SLC25A21: variants seen among roughly 807,000 people sequenced by gnomAD.
SLC25A21 encodes mitochondrial 2-oxodicarboxylate carrier.
In SLC25A21, 47 loss-of-function variants were observed where a neutral mutation model predicts 43.8. The ratio of observed to expected loss-of-function variants is 1.07; its 90% confidence interval spans 0.85 to 1.37. SLC25A21 has a LOEUF of 1.37. SLC25A21 is among the 40% of genes most tolerant of loss of function. The probability of loss-of-function intolerance (pLI) is 0.00; values close to 1 mark genes in which losing one functional copy is unlikely to be tolerated. For missense variants in SLC25A21, 352 were observed against 350.2 expected, an observed-to-expected ratio of 1.00 and a Z score of -0.04; for synonymous variants, 131 against 121.3, an observed-to-expected ratio of 1.08 and a Z score of -0.52.
intron 1 of SLC25A21, among the ~76,000 whole-genome samples, chr14:37,002,514 G>A (rs899977126): frequency 4.6e-5 from 7 of 152,088 alleles, no homozygotes; most frequent in Non-Finnish European, 1.0e-4. Flanking sequence ...AGGAGCACAC[G>A]TTCTTCCCTC....
chr14:36,923,685 G>GC lies in SLC25A21; in HGVS notation c.71-48682dup, dbSNP rs770689059. 2.2e-4 allele frequency among the ~76,000 whole-genome samples: 33 copies of GC among 152,138 alleles called. 1 individual carries two copies. Among genetic ancestry groups the GC allele is most frequent in the Non-Finnish European group, 2.9e-5 (2 of 68,034 alleles). On this transcript the variant is annotated intron_variant, in intron 1 of 9. Coordinates refer to ENST00000331299, the MANE Select transcript of SLC25A21 (RefSeq NM_030631.4). The stretch of plus-strand genomic sequence containing the variant: ...GATGTGAAAAATGGAAATACAGTCA[G>GC]CCTTCCATATCCATGGGTTCGCATC...
chr14:36,689,263 G>A (rs765315689), intron 7 of SLC25A21, among the ~76,000 whole-genome samples: 1 of 152,150 alleles, frequency 6.6e-6, no homozygotes, highest in African/African-American at 2.4e-5. Flanking sequence ...CACGAGAACA[G>A]CATGGGAAAA....
chr14:37,072,504 C>T (rs543623489), intron 1 of SLC25A21, among the ~76,000 whole-genome samples: 3 of 152,278 alleles, frequency 2.0e-5, no homozygotes, highest in East Asian at 3.9e-4. Flanking sequence ...CAATGTCTCA[C>T]GCCTGTAATC....
chr14:37,101,090 G>A (rs1404511355), intron 1 of SLC25A21, among the ~76,000 whole-genome samples: 4 of 152,074 alleles, frequency 2.6e-5, no homozygotes, highest in Admixed American at 6.6e-5. Context: ...CTTTTATTGT[G>A]TATTGAAAAA....
chr14:37,027,301 CTG>C (rs1397231894), intron 1 of SLC25A21, among the ~76,000 whole-genome samples: 3 of 152,138 alleles, frequency 2.0e-5, no homozygotes, highest in Non-Finnish European at 4.4e-5. Flanking sequence ...AATTTCCTAT[CTG>C]TGTCTCTGAT....
intron 1 of SLC25A21, among the ~76,000 whole-genome samples, chr14:37,030,625 G>A (rs556306984): frequency 5.1e-4 from 77 of 152,224 alleles, no homozygotes; most frequent in African/African-American, 1.8e-3. Context: ...TTCCCGGGAC[G>A]AATCTAGTAG....
chr14:37,117,034 A>C (rs985602342), intron 1 of SLC25A21, among the ~76,000 whole-genome samples: 3 of 152,132 alleles, frequency 2.0e-5, no homozygotes, highest in African/African-American at 7.2e-5. Context: ...AACTTACTAC[A>C]ACTTTACGTG....
At chr14:37,109,243 C>T (rs965595100) in intron 1 of SLC25A21, among the ~76,000 whole-genome samples, 14 of 151,966 alleles carry the variant, frequency 9.2e-5, no homozygotes, top group South Asian at 6.2e-4. Flanking sequence ...ATGGAGATTA[C>T]GATGGTGTGC....
At chr14:36,915,892 T>G (rs1891817185) in intron 1 of SLC25A21, among the ~76,000 whole-genome samples, 1 of 152,210 alleles carries the variant, frequency 6.6e-6, no homozygotes, top group East Asian at 1.9e-4. Context: ...ATGGCCCTCA[T>G]GTAACCTAAT....
At chr14:36,873,428 TCGGATTA>T (rs1371048939) in intron 2 of SLC25A21, among the ~76,000 whole-genome samples, 1 of 152,092 alleles carries the variant, frequency 6.6e-6, no homozygotes, top group Admixed American at 6.6e-5. Context: ...CCTGAGTAGC[TCGGATTA>T]CAGGGGTGTG....
chr14:37,089,430 T>C (rs780024245), intron 1 of SLC25A21, among the ~76,000 whole-genome samples: 10 of 152,292 alleles, frequency 6.6e-5, no homozygotes, highest in South Asian at 2.1e-4. Context: ...AAAATACATA[T>C]AGGAGAACTC....
intron 1 of SLC25A21, among the ~76,000 whole-genome samples, chr14:37,050,460 G>A (rs1961680014): frequency 6.6e-6 from 1 of 152,232 alleles, no homozygotes; most frequent in Admixed American, 6.5e-5. Context: ...TGCACAAGAG[G>A]CTGAGTGGGG....
chr14:36,828,013 T>C (rs1888897808), intron 2 of SLC25A21, among the ~76,000 whole-genome samples: 1 of 152,128 alleles, frequency 6.6e-6, no homozygotes, highest in Non-Finnish European at 1.5e-5. Context: ...CTTCATGCCT[T>C]CATCAAAGGA....
Position 37,081,758 on chromosome 14 carries a change from C to T in SLC25A21, c.70+90523G>A, listed in dbSNP as rs115590092. On this transcript the variant is annotated intron_variant, in intron 1 of 9. Transcript: ENST00000331299. The stretch of plus-strand genomic sequence containing the variant: ...TTCAAATCCTAGCATAGGAATTATA[C>T]AGTAAGATGCTGCAATAAAGACAAA... 5.0e-3 allele frequency among the ~76,000 whole-genome samples: 766 copies of T among 152,202 alleles called. 3 individuals carry two copies. The highest frequency in any genetic ancestry group is 0.017 in the African/African-American group (725 of 41,526).
In SLC25A21 at chr14:36,734,419, T is replaced by C. The variant is rs950517388; in HGVS notation, c.270+88A>G. ...ATTAAAATTTTTAGTGCTTTATATA[T>C]AATTCATTTTAATGTCTTAAGAGTT... is the stretch of plus-strand genomic sequence containing the variant. On this transcript the variant is annotated intron_variant, in intron 4 of 9. Coordinates refer to ENST00000331299, the MANE Select transcript of SLC25A21 (RefSeq NM_030631.4). 7.9e-6 allele frequency: 7 copies of C among 889,258 alleles called. No individual in the cohort carries two copies. In the Admixed American group the frequency reaches 2.1e-4, roughly 27 times the overall value. 55.1% of individuals were successfully genotyped at this position (889,258 alleles called of 1,614,324 possible). A position where few individuals can be genotyped will look rare whatever the true frequency, so the allele number is the denominator to read the frequency against.
At chr14:37,093,691 G>A (rs1962631335) in intron 1 of SLC25A21, among the ~76,000 whole-genome samples, 1 of 152,120 alleles carries the variant, frequency 6.6e-6, no homozygotes. Flanking sequence ...ATGGAGGGGA[G>A]AGAACTAACA....
chr14:37,063,438 T>C (rs985238760), intron 1 of SLC25A21, among the ~76,000 whole-genome samples: 2 of 151,226 alleles, frequency 1.3e-5, no homozygotes, highest in South Asian at 4.2e-4. Context: ...AGGTGGAGGT[T>C]GCAGTGAGCC....
chr14:37,033,148 GGCA>G (rs1335491948), intron 1 of SLC25A21, among the ~76,000 whole-genome samples: 2 of 137,406 alleles, frequency 1.5e-5, no homozygotes, highest in African/African-American at 5.8e-5. Context: ...TCCAGCCCCT[GGCA>G]ACCACCATTC....
intron 1 of SLC25A21, among the ~76,000 whole-genome samples, chr14:37,124,565 T>A (rs1227349564): frequency 6.6e-6 from 1 of 152,208 alleles, no homozygotes; most frequent in African/African-American, 2.4e-5. Flanking sequence ...ATTCCTCTCT[T>A]AAGCTCGATG....
Sources: gnomAD v4.1 joint callset for allele counts (sites outside exome capture counted in the v4.1 genomes callset) on GRCh38, gnomAD v4.1.1 for gene constraint, MANE v1.5 for transcripts, NCBI Gene and HGNC (gene_info 2026-07-23, HGNC 2026-07-21) for gene names.